APBB2: variants seen among roughly 807,000 people sequenced by gnomAD.
APBB2 encodes Fe65-like 1.
APBB2 carries 38 observed loss-of-function variants against 82.5 expected under a neutral mutation model. The observed-to-expected ratio is 0.46, with a 90% CI of 0.36 to 0.60. The LOEUF is 0.60. Among genes scored for constraint, APBB2 ranks in the 20% least tolerant of loss-of-function variants. APBB2 has a pLI of 0.00. For missense variants in APBB2, 772 were observed against 972.3 expected (o/e 0.79, Z 2.74); for synonymous variants, 341 against 368.2 (o/e 0.93, Z 0.85).
At chr4:40,990,775 A>G (rs552883232) in intron 6 of APBB2, among the ~76,000 whole-genome samples, 3 of 152,164 alleles carry the variant, frequency 2.0e-5, no homozygotes, top group South Asian at 2.1e-4. Flanking sequence ...ATCATTTTAA[A>G]AACTGTGTCA....
intron 11 of APBB2, 163 bp downstream of exon 11, chr4:40,893,102 A>T: frequency 1.4e-6 from 1 of 737,654 alleles, no homozygotes; most frequent in Non-Finnish European, 2.1e-6. Context: ...CTAAGGGATC[A>T]GTCACACGGG....
In APBB2 at chr4:41,195,898, T is replaced by C; in HGVS notation, c.-417+18507A>G. 4.2e-3 allele frequency among the ~76,000 whole-genome samples: 642 copies of C among 152,276 alleles called. 10 individuals carry two copies. The highest frequency in any genetic ancestry group is 0.013 in the African/African-American group (524 of 41,562). Reference sequence around the variant, plus strand: ...CATCCCGGCCAGGCTCAGTGGCTCATGCCTGTAATCCCAGCACTTTGGGAG... The same window carrying C: ...CATCCCGGCCAGGCTCAGTGGCTCACGCCTGTAATCCCAGCACTTTGGGAG... On this transcript the variant is annotated intron_variant, in intron 1 of 17. Transcript: ENST00000508593.
chr4:41,101,448 G>A (rs1745346834), intron 2 of APBB2, among the ~76,000 whole-genome samples: 1 of 124,934 alleles, frequency 8.0e-6, no homozygotes, highest in East Asian at 2.5e-4. Flanking sequence ...TCCGACCTGG[G>A]CGACAGAGCG....
chr4:41,048,819 C>T lies in APBB2; in HGVS notation c.-50-15515G>A, dbSNP rs192809919. ...TGCAGAGTGCCTGCGATTGCAGGCG[C>T]GCGCTGCCACGCCGGACTAGTTTTC... On this transcript the variant is annotated intron_variant, in intron 4 of 17. Transcript: ENST00000508593. 2.7e-3 allele frequency among the ~76,000 whole-genome samples: 413 copies of T among 152,264 alleles called. 2 individuals carry two copies. The highest frequency in any genetic ancestry group is 1.0e-2 in the South Asian group (48 of 4,816).
chr4:41,127,403 T>A lies in APBB2; in HGVS notation c.-261+15584A>T, dbSNP rs1021636292. ...TCAATAGAAGGCAATTGCAAAAAAA[T>A]TTCATTCTCACTCACTTCACATGTG... On this transcript the variant is annotated intron_variant, in intron 2 of 17. Transcript: ENST00000508593. This position sits in a 1 kb window ranked among gnomAD's most constrained non-coding sequence, Gnocchi z 4.8. Among the ~76,000 whole-genome samples the A allele has an allele frequency of 6.6e-6, 1 of 152,104 alleles. No homozygotes were observed. Among genetic ancestry groups the A allele is most frequent in the Admixed American group, 6.5e-5 (1 of 15,270 alleles).
At chr4:41,056,785 C>T (rs1011848605) in intron 4 of APBB2, among the ~76,000 whole-genome samples, 7 of 152,144 alleles carry the variant, frequency 4.6e-5, no homozygotes, top group South Asian at 2.1e-4. Context: ...CTGGATCCTG[C>T]GGTGTGAGGA....
At chr4:41,084,780 T>C (rs1579898047) in intron 3 of APBB2, 1 of 147,366 alleles carries the variant, frequency 6.8e-6, no homozygotes, top group East Asian at 2.0e-4. Flanking sequence ...CTTTTGTTAA[T>C]TTTTTTTTTT....
chr4:40,906,323 G>A (rs1301770406), intron 10 of APBB2, among the ~76,000 whole-genome samples: 2 of 151,692 alleles, frequency 1.3e-5, no homozygotes, highest in African/African-American at 4.8e-5. Context: ...GGGCATGGTG[G>A]CACACGCCTG....
chr4:40,826,102 T>A lies in APBB2; in HGVS notation c.1733-132A>T. On this transcript the variant is annotated intron_variant, in intron 14 of 17. Coordinates refer to ENST00000508593, the MANE Select transcript of APBB2 (RefSeq NM_004307.2). This position sits in a 1 kb window ranked among gnomAD's most constrained non-coding sequence, Gnocchi z 4.5. Reference sequence around the variant, plus strand: ...AACGCCCTATGTTTCTGGATGTAAATGTAACAACTATTCTACAAGAGCAGC... The same window carrying A: ...AACGCCCTATGTTTCTGGATGTAAAAGTAACAACTATTCTACAAGAGCAGC... 2.8e-6 allele frequency: 2 copies of A among 707,908 alleles called. No individual in the cohort carries two copies. Among genetic ancestry groups the A allele is most frequent in the Non-Finnish European group, 5.2e-6 (2 of 387,138 alleles). The allele number at this position is 707,908 out of a possible 1,614,324, so 43.9% of individuals were successfully genotyped here.
intron 2 of APBB2, among the ~76,000 whole-genome samples, chr4:41,122,713 C>A (rs1753213273): frequency 6.6e-6 from 1 of 152,216 alleles, no homozygotes; most frequent in Non-Finnish European, 1.5e-5. Context: ...CAATAAACCA[C>A]AAGGCAGAGG....
chr4:41,209,052 AC>A (rs1441165700), intron 1 of APBB2, among the ~76,000 whole-genome samples: 11 of 152,122 alleles, frequency 7.2e-5, no homozygotes, highest in South Asian at 2.1e-4. Flanking sequence ...CAGTTGTGTG[AC>A]TTGACCTTCC....
At chr4:41,171,504 A>G (rs1158680727) in intron 1 of APBB2, among the ~76,000 whole-genome samples, 1 of 152,214 alleles carries the variant, frequency 6.6e-6, no homozygotes, top group Non-Finnish European at 1.5e-5. Context: ...TTGGAAGACA[A>G]AACAGGGCCA....
chr4:41,024,611 A>T (rs1377678315), intron 5 of APBB2, among the ~76,000 whole-genome samples: 1 of 152,248 alleles, frequency 6.6e-6, no homozygotes. Flanking sequence ...AGCTCAAAGG[A>T]ATGTGCCCTG....
chr4:40,835,915 T>G (rs1423184213), intron 12 of APBB2, among the ~76,000 whole-genome samples: 1 of 152,036 alleles, frequency 6.6e-6, no homozygotes, highest in Non-Finnish European at 1.5e-5. Flanking sequence ...GGGAGGCGAT[T>G]AAGAATAACT....
rs147969654 is a variant in APBB2 at position 40,956,552 on chromosome 4, G to GA, written c.836-11480dup. On this transcript the variant is annotated intron_variant, in intron 6 of 17. Coordinates refer to ENST00000508593, the MANE Select transcript of APBB2 (RefSeq NM_004307.2). Reference sequence around the variant, plus strand: ...TCTTGAAATGTCTACCACAGCCTCAGAAAAATTACACTTTGTATTCAATTG... The same window carrying GA: ...TCTTGAAATGTCTACCACAGCCTCAGAAAAAATTACACTTTGTATTCAATTG... Among the ~76,000 whole-genome samples the GA allele has an allele frequency of 9.1e-3, 1,375 of 151,278 alleles. 30 individuals are homozygous for GA. The highest frequency in any genetic ancestry group is 0.031 in the African/African-American group (1,290 of 41,190).
intron 10 of APBB2, among the ~76,000 whole-genome samples, chr4:40,921,336 G>A (rs1781206432): frequency 6.6e-6 from 1 of 152,196 alleles, no homozygotes; most frequent in Admixed American, 6.5e-5. Flanking sequence ...TTTTAAGGAA[G>A]TTGTTTAGGT....
Position 40,944,857 on chromosome 4 carries a change from C to G in APBB2, c.1044+8G>C. On this transcript the variant is annotated splice_region_variant and intron_variant, in intron 7 of 17. Coordinates refer to ENST00000508593, the MANE Select transcript of APBB2 (RefSeq NM_004307.2). ...CTACTAAGCTGGTAAAAAGACACTCCGTTTTACCTCGTTCTCTGGGGTGGG... is the reference window on the plus strand; with the variant it reads ...CTACTAAGCTGGTAAAAAGACACTCGGTTTTACCTCGTTCTCTGGGGTGGG... The G allele has an allele frequency of 1.2e-6, 2 of 1,612,230 alleles. No individual in the cohort carries two copies. The highest frequency in any genetic ancestry group is 1.7e-6 in the Non-Finnish European group (2 of 1,179,764).
At chr4:41,142,040 G>A (rs1759370094) in intron 2 of APBB2, among the ~76,000 whole-genome samples, 1 of 152,140 alleles carries the variant, frequency 6.6e-6, no homozygotes, top group South Asian at 2.1e-4. Flanking sequence ...GGGTGAAAAT[G>A]AAACAAGGGC....
intron 12 of APBB2, among the ~76,000 whole-genome samples, chr4:40,882,025 G>C (rs1768768844): frequency 6.6e-6 from 1 of 151,714 alleles, no homozygotes; most frequent in Non-Finnish European, 1.5e-5. Flanking sequence ...ATGGTGGACA[G>C]ACTGCGCTGT....
Sources: allele counts gnomAD v4.1 joint callset (sites outside exome capture counted in the v4.1 genomes callset), GRCh38; gene constraint gnomAD v4.1.1; non-coding constraint Gnocchi (gnomAD v3.1); transcripts MANE v1.5; gene names NCBI Gene and HGNC (gene_info 2026-07-23, HGNC 2026-07-21).